Variants in N4BP2 observed in about 807,000 individuals in gnomAD.
N4BP2 encodes NEDD4-binding protein 2.
A neutral mutation model predicts 152.8 loss-of-function variants in N4BP2; 91 were observed. The observed-to-expected ratio is 0.60, with a 90% CI of 0.50 to 0.71. The LOEUF (loss-of-function observed/expected upper bound fraction) is 0.71, where lower values mean the gene tolerates loss of function less well. Ranked by LOEUF, N4BP2 falls within the 30% of genes least tolerant of loss-of-function variation. N4BP2 has a pLI of 0.00. For synonymous variants in N4BP2, 646 were observed against 705.3 expected, an observed-to-expected ratio of 0.92 and a Z score of 1.33; for missense variants, 1,923 against 2,059.1, an observed-to-expected ratio of 0.93 and a Z score of 1.28.
chr4:40,114,422 T>C (rs1717173789), intron 7 of N4BP2, among the ~76,000 whole-genome samples: 1 of 152,204 alleles, frequency 6.6e-6, no homozygotes. Context: ...CTAATGTGTG[T>C]TCTGTATTTA....
chr4:40,088,987 G>A (rs1433495322), intron 2 of N4BP2, among the ~76,000 whole-genome samples: 1 of 151,902 alleles, frequency 6.6e-6, no homozygotes, highest in Non-Finnish European at 1.5e-5. Context: ...GTCTCTGTCT[G>A]TCACCTAGGC....
chr4:40,104,248 G>A (rs1716020046), intron 4 of N4BP2, among the ~76,000 whole-genome samples: 1 of 150,810 alleles, frequency 6.6e-6, no homozygotes, highest in African/African-American at 2.4e-5. Context: ...CACCGCGCCT[G>A]GCTTGCTAGT....
chr4:40,163,718 T>C, the N4BP2 span, among the ~76,000 whole-genome samples: 8 of 152,334 alleles, frequency 5.3e-5, no homozygotes, highest in African/African-American at 1.7e-4. Flanking sequence ...TTCTTGATGA[T>C]GTCATTGAGC....
intron 14 of N4BP2, chr4:40,142,322 C>T: frequency 3.2e-6 from 1 of 317,256 alleles, no homozygotes; most frequent in Non-Finnish European, 6.2e-6. Flanking sequence ...GTGGCGACGG[C>T]TGGAGTTGGG....
Position 40,157,682 on chromosome 4 carries a change from G to A in N4BP2, c.*3445G>A, listed in dbSNP as rs192651673. On this transcript the variant is annotated 3_prime_UTR_variant, in exon 18 of 18. Coordinates refer to ENST00000261435, the MANE Select transcript of N4BP2 (RefSeq NM_018177.6). ...ATGAGGTGAAGTTTGGTAATTTTTCGGTGTAGTAGTTAAATATTGCTCAAT... is the reference window on the plus strand; with the variant it reads ...ATGAGGTGAAGTTTGGTAATTTTTCAGTGTAGTAGTTAAATATTGCTCAAT... 1.4e-4 allele frequency: 22 copies of A among 152,110 alleles called. No homozygotes were observed. In the East Asian group the frequency reaches 1.7e-3, roughly 12 times the overall value. The allele number at this position is 152,110 out of a possible 1,614,324, so 9.4% of individuals were successfully genotyped here. A position where few individuals can be genotyped will look rare whatever the true frequency, so the allele number is the denominator to read the frequency against.
rs1246218465 is a variant in N4BP2, at chr4:40,111,608, C to T, written c.1499-476C>T. Among the ~76,000 whole-genome samples the T allele has an allele frequency of 4.6e-5, 7 of 151,928 alleles. No homozygotes were observed. The South Asian group carries it at 8.4e-4, about 18-fold the overall frequency. ...TGCTGGGATTACAGGCATGAGCCAC[C>T]GCGCCCGGCCTTGTTTTGTATTTTT... On this transcript the variant is annotated intron_variant, in intron 5 of 17. Transcript: ENST00000261435.
chr4:40,063,653 A>AT (rs1195716250), intron 1 of N4BP2, among the ~76,000 whole-genome samples: 1 of 151,844 alleles, frequency 6.6e-6, no homozygotes, highest in East Asian at 1.9e-4. Context: ...TAATTAATTA[A>AT]TTTTTTTGAG....
At chr4:40,064,813 A>G (rs1733916418) in intron 1 of N4BP2, among the ~76,000 whole-genome samples, 1 of 151,988 alleles carries the variant, frequency 6.6e-6, no homozygotes, top group Non-Finnish European at 1.5e-5. Flanking sequence ...TCTGTTGCCC[A>G]GGCTGGAGTG....
intron 16 of N4BP2, among the ~76,000 whole-genome samples, chr4:40,148,204 C>T (rs1161474239): frequency 6.6e-6 from 1 of 152,230 alleles, no homozygotes; most frequent in African/African-American, 2.4e-5. Flanking sequence ...ATCCCGGCAC[C>T]TCGGGAGGCC....
chr4:40,121,914 A>T lies in N4BP2; in HGVS notation c.3803A>T (p.Asn1268Ile). Residue 1268 changes from asparagine (N) to isoleucine (I), a missense_variant, in exon 9 of 18, where the codon AAC becomes ATC. Asn to Ile is a moderately radical substitution (Grantham distance 149). Coordinates refer to ENST00000261435, the MANE Select transcript of N4BP2 (RefSeq NM_018177.6). Reference sequence around the variant, plus strand: ...AAAGATATGAGTGAAACAGAAAAAAACCTAGTAGTCACAGAGACTGGAGAC... The same window carrying T: ...AAAGATATGAGTGAAACAGAAAAAATCCTAGTAGTCACAGAGACTGGAGAC... ...TPKDMSETEK[N>I]LVVTETGDNI... The T allele has an allele frequency of 6.3e-7, 1 of 1,593,120 alleles. No homozygotes were observed. The highest frequency in any genetic ancestry group is 8.5e-7 in the Non-Finnish European group (1 of 1,174,210).
intron 2 of N4BP2, among the ~76,000 whole-genome samples, chr4:40,082,537 G>A (rs1015384713): frequency 1.3e-5 from 2 of 152,082 alleles, no homozygotes; most frequent in African/African-American, 4.8e-5. Flanking sequence ...CAAAACCACA[G>A]CTAGATACCA....
chr4:40,104,900 G>A (rs928078335), intron 4 of N4BP2, among the ~76,000 whole-genome samples: 9 of 151,768 alleles, frequency 5.9e-5, no homozygotes, highest in Admixed American at 3.3e-4. Flanking sequence ...CGCCTCCCAG[G>A]TTCACGCCAT....
chr4:40,140,130 A>T (rs1307125804), intron 14 of N4BP2, among the ~76,000 whole-genome samples: 3 of 152,188 alleles, frequency 2.0e-5, no homozygotes, highest in South Asian at 2.1e-4. Context: ...GAATCTTATC[A>T]TCCTGCAATC....
At chr4:40,086,300 G>C (rs1296273475) in intron 2 of N4BP2, among the ~76,000 whole-genome samples, 1 of 151,412 alleles carries the variant, frequency 6.6e-6, no homozygotes, top group Admixed American at 6.6e-5. Flanking sequence ...GCGAGACACT[G>C]TCTCTACAAA....
chr4:40,104,534 A>AG (rs1716056797), intron 4 of N4BP2, among the ~76,000 whole-genome samples: 1 of 151,948 alleles, frequency 6.6e-6, no homozygotes, highest in African/African-American at 2.4e-5. Context: ...TGACTTAATA[A>AG]CAACAACAAC....
At chr4:40,141,648 G>A (rs1315211029) in intron 14 of N4BP2, among the ~76,000 whole-genome samples, 4 of 149,282 alleles carry the variant, frequency 2.7e-5, no homozygotes, top group African/African-American at 4.9e-5. Flanking sequence ...GATGATGGGC[G>A]GCCAGGCAGA....
At chr4:40,181,985 C>T in the N4BP2 span, among the ~76,000 whole-genome samples, 2 of 152,290 alleles carry the variant, frequency 1.3e-5, no homozygotes, top group African/African-American at 2.4e-5. Flanking sequence ...AGTACTTCTT[C>T]CCATTAAAGA....
At chr4:40,144,536 T>G in intron 15 of N4BP2, 96 bp from the exon 16 acceptor site, 1 of 969,000 alleles carries the variant, frequency 1.0e-6, no homozygotes, top group Non-Finnish European at 1.5e-6. Flanking sequence ...ATTATTCCCT[T>G]TTTCCCCCTT....
chr4:40,090,789 T>C (rs538303664), intron 2 of N4BP2, among the ~76,000 whole-genome samples: 233 of 151,998 alleles, frequency 1.5e-3, no homozygotes, highest in Non-Finnish European at 2.7e-3. Context: ...AAAAATTAGC[T>C]GGGTGTGGTG....
Sources: gnomAD v4.1 joint callset for allele counts (sites outside exome capture counted in the v4.1 genomes callset) on GRCh38, gnomAD v4.1.1 for gene constraint, MANE v1.5 for transcripts, NCBI Gene and HGNC (gene_info 2026-07-23, HGNC 2026-07-21) for gene names.